ONECUT2: variants seen among roughly 807,000 people sequenced by gnomAD.
ONECUT2 encodes one cut homeobox 2.
ONECUT2 carries 10 observed loss-of-function variants against 27.9 expected under a neutral mutation model. The ratio of observed to expected loss-of-function variants is 0.36; its 90% confidence interval spans 0.22 to 0.61. The LOEUF is 0.61. Among genes scored for constraint, ONECUT2 ranks in the 20% least tolerant of loss-of-function variants. ONECUT2 has a pLI of 0.73. For synonymous variants in ONECUT2, 334 were observed against 315.1 expected, an observed-to-expected ratio of 1.06 and a Z score of -0.64; for missense variants, 686 against 721.0, an observed-to-expected ratio of 0.95 and a Z score of 0.56.
rs526469 is a variant in ONECUT2, at chr18:57,488,257, A to G, written c.*11534A>G. The stretch of plus-strand genomic sequence containing the variant: ...TTTTCAAATTGGCTTTTGTAAGACA[A>G]TTGATGATTGTAATAGTGTTTAATC... On this transcript the variant is annotated 3_prime_UTR_variant, in exon 2 of 2. Coordinates refer to ENST00000491143, the MANE Select transcript of ONECUT2 (RefSeq NM_004852.3). 0.98 allele frequency: 150,056 copies of G among 152,772 alleles called. 73,758 individuals carry two copies. The highest frequency in any genetic ancestry group is 1 in the East Asian group (5,180 of 5,180). 9.5% of individuals were successfully genotyped at this position (152,772 alleles called of 1,614,324 possible).
At chr18:57,455,810 G>T (rs1487195768) in intron 1 of ONECUT2, among the ~76,000 whole-genome samples, 2 of 152,214 alleles carry the variant, frequency 1.3e-5, no homozygotes, top group Non-Finnish European at 2.9e-5. Context: ...GGAAGTAGGG[G>T]CAGGGGAGGG....
chr18:57,444,525 C>T, intron 1 of ONECUT2: 2 of 438,616 alleles, frequency 4.6e-6, no homozygotes, highest in Non-Finnish European at 9.2e-6. Context: ...CTGTGCCCTA[C>T]TGCGTCCTCC....
In ONECUT2 at chr18:57,435,869, C is replaced by T. The variant is rs2050136869; in HGVS notation, c.153C>T (p.Gly51=). 1.3e-6 allele frequency: 1 copy of T among 765,342 alleles called. No homozygotes were observed. The highest frequency in any genetic ancestry group is 1.6e-6 in the Non-Finnish European group (1 of 623,908). 47.4% of individuals were successfully genotyped at this position (765,342 alleles called of 1,614,324 possible). Residue 51 remains glycine (G), a synonymous_variant, in exon 1 of 2, where the codon GGC becomes GGT. Coordinates refer to ENST00000491143, the MANE Select transcript of ONECUT2 (RefSeq NM_004852.3). ...GCGGCGGCGGGGGCGGCGGGGGCGG[C>T]GGCGGGGGCCCGGGCCATGAGCAGG... The part of the protein sequence containing the change: ...GGGGGGGGGG[G]GGGPGHEQEL...
chr18:57,476,483 C>T lies in ONECUT2; in HGVS notation c.1275C>T (p.Ser425=). ...EQEPNKDRNN[S]QKKSRLVFTD... is the part of the protein sequence containing the mutation. ...AACCAAACAAAGACAGGAACAATTCCCAGAAGAAGTCCCGCCTGGTGTTCA... is the reference window on the plus strand; with the variant it reads ...AACCAAACAAAGACAGGAACAATTCTCAGAAGAAGTCCCGCCTGGTGTTCA... Residue 425 remains serine, a synonymous_variant, in exon 2 of 2, where the codon TCC becomes TCT. Transcript: ENST00000491143. The T allele has an allele frequency of 6.2e-7, 1 of 1,614,226 alleles. No individual in the cohort carries two copies. Among genetic ancestry groups the T allele is most frequent in the Non-Finnish European group, 8.5e-7 (1 of 1,180,042 alleles).
chr18:57,444,959 G>GATAA (rs2050193561), intron 1 of ONECUT2, among the ~76,000 whole-genome samples: 5 of 152,166 alleles, frequency 3.3e-5, no homozygotes, highest in Non-Finnish European at 7.4e-5. Context: ...CCCAGTTGGG[G>GATAA]ATGTTTTTCT....
intron 1 of ONECUT2, among the ~76,000 whole-genome samples, chr18:57,472,790 C>T (rs2080340872): frequency 6.6e-6 from 1 of 152,108 alleles, no homozygotes; most frequent in African/African-American, 2.4e-5. Flanking sequence ...ACTGTCTAAT[C>T]ACCCTATTAA....
In ONECUT2 at chr18:57,485,856, C is replaced by G. The variant is rs991926350; in HGVS notation, c.*9133C>G. 1.2e-4 allele frequency: 19 copies of G among 152,220 alleles called. No homozygotes were observed. Among genetic ancestry groups the G allele is most frequent in the African/African-American group, 3.9e-4 (16 of 41,440 alleles). The allele number at this position is 152,220 out of a possible 1,614,324, so 9.4% of individuals were successfully genotyped here. ...ATCCTATGTGAAAGTTCCCTCCTGTCCAAACAAGCTCAAGGCCCATCTTCT... is the reference window on the plus strand; with the variant it reads ...ATCCTATGTGAAAGTTCCCTCCTGTGCAAACAAGCTCAAGGCCCATCTTCT... On this transcript the variant is annotated 3_prime_UTR_variant, in exon 2 of 2. Coordinates refer to ENST00000491143, the MANE Select transcript of ONECUT2 (RefSeq NM_004852.3).
At chr18:57,447,733 C>T (rs1431106457) in intron 1 of ONECUT2, among the ~76,000 whole-genome samples, 1 of 152,160 alleles carries the variant, frequency 6.6e-6, no homozygotes, top group South Asian at 2.1e-4. Context: ...TCCCCAGATG[C>T]ATGCTCCTGA....
At chr18:57,443,982 T>C (rs2050188724) in intron 1 of ONECUT2, among the ~76,000 whole-genome samples, 1 of 152,206 alleles carries the variant, frequency 6.6e-6, no homozygotes, top group African/African-American at 2.4e-5. Context: ...TAATCAAATA[T>C]ACATATACTT....
intron 1 of ONECUT2, among the ~76,000 whole-genome samples, chr18:57,466,142 TC>T (rs1250129681): frequency 7.2e-5 from 11 of 152,218 alleles, no homozygotes; most frequent in African/African-American, 2.7e-4. Flanking sequence ...GAGTTGCAGT[TC>T]TTAATTGGCA....
intron 1 of ONECUT2, among the ~76,000 whole-genome samples, chr18:57,450,072 A>G (rs936109339): frequency 5.3e-5 from 8 of 152,186 alleles, no homozygotes; most frequent in Middle Eastern, 3.4e-3. Context: ...CCTCCTGTCT[A>G]TCTTTACAGA....
chr18:57,458,381 G>A (rs1008531715), intron 1 of ONECUT2, among the ~76,000 whole-genome samples: 62 of 152,120 alleles, frequency 4.1e-4, no homozygotes, highest in African/African-American at 1.4e-3. Context: ...ACCTACATAT[G>A]TACTCATATA....
At position 57,486,290 on chromosome 18, in the gene ONECUT2, C is replaced by A. The variant is rs1233709016; in HGVS notation, c.*9567C>A. The stretch of plus-strand genomic sequence containing the variant: ...CTTCCTGTGAATACCTCAGCTTCAA[C>A]TGGGCCTCCATACAGTCAGTTGGTG... On this transcript the variant is annotated 3_prime_UTR_variant, in exon 2 of 2. Coordinates refer to ENST00000491143, the MANE Select transcript of ONECUT2 (RefSeq NM_004852.3). 6.5e-6 allele frequency: 1 copy of A among 152,680 alleles called. No homozygotes were observed. Among genetic ancestry groups the A allele is most frequent in the East Asian group, 1.9e-4 (1 of 5,198 alleles). 9.5% of individuals were successfully genotyped at this position (152,680 alleles called of 1,614,324 possible).
In ONECUT2 at chr18:57,436,721, C is replaced by T. The variant is rs1455177115; in HGVS notation, c.1005C>T (p.Thr335=). 6.2e-7 allele frequency: 1 copy of T among 1,613,860 alleles called. No homozygotes were observed. The highest frequency in any genetic ancestry group is 8.5e-7 in the Non-Finnish European group (1 of 1,180,032). ...CGGGCCAGCTGGAAGAAATCAACAC[C>T]AAAGAGGTGGCCCAGCGCATCACAG... is the stretch of plus-strand genomic sequence containing the variant. ...ATSGQLEEIN[T]KEVAQRITAE... The change falls in exon 1 of 2, where the codon ACC becomes ACT. Residue 335 remains threonine (T), a synonymous_variant. Coordinates refer to ENST00000491143, the MANE Select transcript of ONECUT2 (RefSeq NM_004852.3). The surrounding 1 kb of genome is among the most constrained non-coding windows in gnomAD (Gnocchi z 5.9).
chr18:57,476,087 C>G (rs190792338), intron 1 of ONECUT2, among the ~76,000 whole-genome samples: 1 of 152,340 alleles, frequency 6.6e-6, no homozygotes, highest in East Asian at 1.9e-4. Flanking sequence ...TTCCCCCACC[C>G]TGGCGTCTGG....
intron 1 of ONECUT2, among the ~76,000 whole-genome samples, chr18:57,464,254 T>C (rs2050308257): frequency 6.6e-6 from 1 of 152,182 alleles, no homozygotes; most frequent in Non-Finnish European, 1.5e-5. Context: ...GCACTCAACT[T>C]ATGTAAGCTT....
chr18:57,466,562 C>T (rs1345089712), intron 1 of ONECUT2, among the ~76,000 whole-genome samples: 1 of 152,212 alleles, frequency 6.6e-6, no homozygotes, highest in Non-Finnish European at 1.5e-5. Context: ...AGCTAAAGAT[C>T]CCTCTTTGCC....
rs371023557 is a variant in ONECUT2, at chr18:57,468,252, C to T, written c.1229-8185C>T. 1.8e-4 allele frequency among the ~76,000 whole-genome samples: 28 copies of T among 152,318 alleles called. No individual in the cohort carries two copies. The East Asian group carries it at 4.4e-3, about 24-fold the overall frequency. On this transcript the variant is annotated intron_variant, in intron 1 of 1. Coordinates refer to ENST00000491143, the MANE Select transcript of ONECUT2 (RefSeq NM_004852.3). ...TGCCTGTCTGTATTGGCATCTGGTACATGAAGACCAAGTTTCTGAGGAAAG... is the reference window on the plus strand; with the variant it reads ...TGCCTGTCTGTATTGGCATCTGGTATATGAAGACCAAGTTTCTGAGGAAAG...
intron 1 of ONECUT2, among the ~76,000 whole-genome samples, chr18:57,462,824 C>T (rs1045500490): frequency 6.0e-5 from 9 of 149,696 alleles, no homozygotes; most frequent in African/African-American, 2.0e-4. Context: ...CTCTGCCTCC[C>T]AGGTTCAAGC....
Sources: allele counts gnomAD v4.1 joint callset (sites outside exome capture counted in the v4.1 genomes callset), GRCh38; gene constraint gnomAD v4.1.1; non-coding constraint Gnocchi (gnomAD v3.1); transcripts MANE v1.5; gene names NCBI Gene and HGNC (gene_info 2026-07-23, HGNC 2026-07-21).